MIEF1: variants seen among roughly 807,000 people sequenced by gnomAD.
MIEF1 encodes the protein mitochondrial elongation factor 1.
A neutral mutation model predicts 35.1 loss-of-function variants in MIEF1; 14 were observed. That is an observed-to-expected ratio of 0.40 (90% CI 0.26 to 0.62). The LOEUF (loss-of-function observed/expected upper bound fraction) is 0.62. MIEF1 is among the 20% of genes least tolerant of loss of function. The pLI, the probability that MIEF1 is intolerant of heterozygous loss-of-function variation, is 0.43. For missense variants in MIEF1, 542 were observed against 615.4 expected, an observed-to-expected ratio of 0.88 and a Z score of 1.26; for synonymous variants, 245 against 254.3, an observed-to-expected ratio of 0.96 and a Z score of 0.35.
rs1427345542 is a variant in MIEF1 at position 39,515,012 on chromosome 22, CA to C, written c.*692del. 8 of 548,310 alleles carry C rather than the reference CA, an allele frequency of 1.5e-5. No individual in the cohort carries two copies. Among genetic ancestry groups the C allele is most frequent in the Non-Finnish European group, 2.6e-5 (8 of 310,180 alleles). The allele number at this position is 548,310 out of a possible 1,614,324, so 34.0% of individuals were successfully genotyped here. ...TGACCCACACAGGATAAGCTGAATG[CA>C]AAGTTATTTGCAGGTTGAATTTCTT... On this transcript the variant is annotated 3_prime_UTR_variant, in exon 6 of 6. Coordinates refer to ENST00000325301, the MANE Select transcript of MIEF1 (RefSeq NM_019008.6).
chr22:39,502,170 A>AG (rs1432470726), upstream of MIEF1: 1 of 150,216 alleles, frequency 6.7e-6, no homozygotes, highest in Non-Finnish European at 1.5e-5. Context: ...TGGCCTCTGC[A>AG]GGCCAGTCCC....
Position 39,513,732 on chromosome 22 carries a change from G to A in MIEF1, c.801G>A (p.Glu267=). Residue 267 remains glutamate, a synonymous_variant, in exon 6 of 6, where the codon GAG becomes GAA. Coordinates refer to ENST00000325301, the MANE Select transcript of MIEF1 (RefSeq NM_019008.6). ...LSPKTVADTF[E]KVVAGSINWP... ...CAAAGACAGTCGCAGATACATTTGA[G>A]AAGGTAGTGGCTGGCTCCATCAATT... 1.2e-6 allele frequency: 2 copies of A among 1,614,162 alleles called. No homozygotes were observed. The highest frequency in any genetic ancestry group is 1.7e-6 in the Non-Finnish European group (2 of 1,180,032).
upstream of MIEF1, chr22:39,500,109 A>AAAAC (rs376391712): frequency 0.037 from 5,578 of 152,224 alleles, 320 homozygotes; most frequent in African/African-American, 0.12. Flanking sequence ...ACTCCATCTC[A>AAAAC]AAACAAACAA....
At chr22:39,510,733 G>C (rs9619817) in intron 2 of MIEF1, among the ~76,000 whole-genome samples, 4,447 of 152,308 alleles carry the variant, frequency 0.029, 85 homozygotes, top group African/African-American at 0.061. Context: ...TAACCCCTGT[G>C]ATGGGGTAGA....
Position 39,517,307 on chromosome 22 carries a change from A to C in MIEF1, c.*2984A>C. 4.5e-6 allele frequency: 1 copy of C among 224,122 alleles called. No homozygotes were observed. The highest frequency in any genetic ancestry group is 9.3e-6 in the Non-Finnish European group (1 of 108,096). 13.9% of individuals were successfully genotyped at this position (224,122 alleles called of 1,614,324 possible). A position where few individuals can be genotyped will look rare whatever the true frequency, so the allele number is the denominator to read the frequency against. ...TCTCCTCTGTTGCCCTTCCTAAAAA[A>C]TGAGCTGAAGATGACAGTATTTTTC... On this transcript the variant is annotated 3_prime_UTR_variant, in exon 6 of 6. Coordinates refer to ENST00000325301, the MANE Select transcript of MIEF1 (RefSeq NM_019008.6).
intron 5 of MIEF1, 107 bp downstream of exon 5, chr22:39,512,601 C>G (rs1171447529): frequency 1.0e-5 from 14 of 1,385,372 alleles, no homozygotes; most frequent in Middle Eastern, 2.1e-4. Context: ...GGTCTTACAG[C>G]TTCCGAATCC....
At chr22:39,510,704 G>A (rs1930282605) in intron 2 of MIEF1, among the ~76,000 whole-genome samples, 1 of 152,226 alleles carries the variant, frequency 6.6e-6, no homozygotes, top group Non-Finnish European at 1.5e-5. Flanking sequence ...GCCAAAGGAC[G>A]AAGAAATGAC....
chr22:39,508,418 C>A (rs1930159408), intron 2 of MIEF1, among the ~76,000 whole-genome samples: 1 of 152,228 alleles, frequency 6.6e-6, no homozygotes, highest in Non-Finnish European at 1.5e-5. Context: ...TGCTGCATCA[C>A]ACTCAAGGAT....
At chr22:39,512,182 C>A in intron 4 of MIEF1, 50 bp from the exon 5 acceptor site, 1 of 1,586,636 alleles carries the variant, frequency 6.3e-7, no homozygotes, top group South Asian at 1.1e-5. Context: ...CAGCTGTGGA[C>A]TGAGCAGGCA....
chr22:39,514,707 C>T lies in MIEF1; in HGVS notation c.*384C>T, dbSNP rs926235928. 3.7e-6 allele frequency: 1 copy of T among 270,068 alleles called. No homozygotes were observed. Among genetic ancestry groups the T allele is most frequent in the African/African-American group, 2.2e-5 (1 of 45,482 alleles). The allele number at this position is 270,068 out of a possible 1,614,324, so 16.7% of individuals were successfully genotyped here. On this transcript the variant is annotated 3_prime_UTR_variant, in exon 6 of 6. Coordinates refer to ENST00000325301, the MANE Select transcript of MIEF1 (RefSeq NM_019008.6). ...CTATTCAGTGTCTTTTCTATTTTTT[C>T]CTCTCTCGTTCATGCCTTCTGTTTT...
rs1569021997 is a variant in MIEF1 at position 39,515,611 on chromosome 22, C to T, written c.*1288C>T. On this transcript the variant is annotated 3_prime_UTR_variant, in exon 6 of 6. Coordinates refer to ENST00000325301, the MANE Select transcript of MIEF1 (RefSeq NM_019008.6). ...GGAGGAGGTGGGCATTTCCTACATT[C>T]CTCCTTGTTTGCCGCTGCTGAGATT... is the stretch of plus-strand genomic sequence containing the variant. The T allele has an allele frequency of 2.0e-6, 1 of 495,974 alleles. No homozygotes were observed. The highest frequency in any genetic ancestry group is 3.6e-6 in the Non-Finnish European group (1 of 280,116). The allele number at this position is 495,974 out of a possible 1,614,324, so 30.7% of individuals were successfully genotyped here. A position where few individuals can be genotyped will look rare whatever the true frequency, so the allele number is the denominator to read the frequency against.
Position 39,514,257 on chromosome 22 carries a change from A to T in MIEF1, c.1326A>T (p.Glu442Asp). ...VNLFAELTPEEIDELGYTLYC... is the reference protein window; with the variant it reads ...VNLFAELTPEDIDELGYTLYC... Reference sequence around the variant, plus strand: ...TATTTGCAGAGCTCACCCCTGAAGAAATAGACGAATTAGGATACACTCTGT... The same window carrying T: ...TATTTGCAGAGCTCACCCCTGAAGATATAGACGAATTAGGATACACTCTGT... Residue 442 changes from glutamate to aspartate, a missense_variant, in exon 6 of 6, where the codon GAA becomes GAT. Glu to Asp is a conservative substitution (Grantham distance 45). Coordinates refer to ENST00000325301, the MANE Select transcript of MIEF1 (RefSeq NM_019008.6). The T allele has an allele frequency of 6.2e-7, 1 of 1,614,180 alleles. No homozygotes were observed. The highest frequency in any genetic ancestry group is 1.1e-5 in the South Asian group (1 of 91,080).
intron 2 of MIEF1, among the ~76,000 whole-genome samples, chr22:39,507,723 G>A (rs1351282523): frequency 6.6e-6 from 1 of 151,798 alleles, no homozygotes; most frequent in Non-Finnish European, 1.5e-5. Flanking sequence ...AAATTAGCAG[G>A]GTGTGGTGGC....
chr22:39,513,667 A>G lies in MIEF1; in HGVS notation c.736A>G (p.Ser246Gly). 6.2e-7 allele frequency: 1 copy of G among 1,614,108 alleles called. No individual in the cohort carries two copies. The highest frequency in any genetic ancestry group is 8.5e-7 in the Non-Finnish European group (1 of 1,180,000). The change falls in exon 6 of 6, where the codon AGT (serine) becomes GGT (glycine). Residue 246 changes from serine (S) to glycine (G), a missense_variant. Ser to Gly is a moderately conservative substitution (Grantham distance 56). Transcript: ENST00000325301. ...ENPEYFPRGS[S>G]YWDRCVVGGY... Reference sequence around the variant, plus strand: ...TCCAGAGTACTTTCCTCGTGGGAGCAGTTACTGGGACCGCTGTGTAGTAGG... The same window carrying G: ...TCCAGAGTACTTTCCTCGTGGGAGCGGTTACTGGGACCGCTGTGTAGTAGG...
chr22:39,512,245 G>A lies in MIEF1; in HGVS notation c.336G>A (p.Pro112=), dbSNP rs146632374. The A allele has an allele frequency of 3.2e-4, 516 of 1,612,762 alleles. 1 individual carries two copies. The highest frequency in any genetic ancestry group is 3.5e-4 in the Non-Finnish European group (416 of 1,179,974). Residue 112 remains proline (P), a synonymous_variant, in exon 5 of 6, where the codon CCG becomes CCA. Coordinates refer to ENST00000325301, the MANE Select transcript of MIEF1 (RefSeq NM_019008.6). ...SSTFDTDTFC[P]PRPKPVARKG... Reference sequence around the variant, plus strand: ...TTGCCTTGGCAGATACATTCTGCCCGCCCCGGCCCAAGCCAGTGGCCAGGA... The same window carrying A: ...TTGCCTTGGCAGATACATTCTGCCCACCCCGGCCCAAGCCAGTGGCCAGGA...
chr22:39,504,129 C>T, intron 1 of MIEF1, 74 bp from the exon 2 acceptor site: 1 of 397,744 alleles, frequency 2.5e-6, no homozygotes. Flanking sequence ...TTAAAAAGCC[C>T]TCACATAGTC....
intron 5 of MIEF1, 88 bp from the exon 6 acceptor site, chr22:39,513,429 G>GA (rs1485535190): frequency 7.5e-7 from 1 of 1,329,588 alleles, no homozygotes; most frequent in Non-Finnish European, 1.0e-6. Flanking sequence ...TGCTGGGGGG[G>GA]AATGTAAGAT....
At chr22:39,508,508 T>C (rs982256169) in intron 2 of MIEF1, among the ~76,000 whole-genome samples, 2 of 152,250 alleles carry the variant, frequency 1.3e-5, no homozygotes, top group Non-Finnish European at 2.9e-5. Flanking sequence ...GACATTGTTA[T>C]GTGTGGGGAA....
Position 39,513,797 on chromosome 22 carries a change from C to G in MIEF1, c.866C>G (p.Pro289Arg). The change falls in exon 6 of 6, where the codon CCG (proline) becomes CGG (arginine). Residue 289 changes from proline to arginine, a missense_variant. Physicochemically the swap from Pro to Arg is moderately radical, Grantham distance 103 (BLOSUM62 -2). Transcript: ENST00000325301. ...TCCCTCTTGGACTATGTGATCCGCC[C>G]GGCCCCACCCCCAGAAGCCCTCACA... ...IGSLLDYVIR[P>R]APPPEALTLE... 6.2e-7 allele frequency: 1 copy of G among 1,614,130 alleles called. No homozygotes were observed. Among genetic ancestry groups the G allele is most frequent in the Non-Finnish European group, 8.5e-7 (1 of 1,180,042 alleles).
Sources: allele counts gnomAD v4.1 joint callset (sites outside exome capture counted in the v4.1 genomes callset), GRCh38; gene constraint gnomAD v4.1.1; transcripts MANE v1.5; gene names NCBI Gene and HGNC (gene_info 2026-07-23, HGNC 2026-07-21).